Variants in CRYL1 observed in about 807,000 individuals in gnomAD.
CRYL1 encodes lambda-crystallin homolog.
Under a neutral mutation model 36.6 loss-of-function variants are expected in CRYL1, and 29 were observed. The ratio of observed to expected loss-of-function variants is 0.79; its 90% CI spans 0.59 to 1.08. CRYL1 has a LOEUF of 1.08. Among genes scored for constraint, CRYL1 ranks in the 50% least tolerant of loss-of-function variants. The probability of loss-of-function intolerance (pLI) is 0.00; values close to 1 mark genes in which losing one functional copy is unlikely to be tolerated. For synonymous variants in CRYL1, 152 were observed against 151.5 expected (o/e 1.00, Z -0.02); for missense variants, 411 against 407.9 (o/e 1.01, Z -0.06).
At chr13:20,444,507 G>C (rs1303672040) in intron 3 of CRYL1, among the ~76,000 whole-genome samples, 8 of 152,142 alleles carry the variant, frequency 5.3e-5, no homozygotes, top group East Asian at 3.9e-4. Context: ...GGGCCACCGT[G>C]GCACAGGCAT....
chr13:20,501,407 C>G (rs2033701805), intron 2 of CRYL1, among the ~76,000 whole-genome samples: 1 of 152,204 alleles, frequency 6.6e-6, no homozygotes, highest in Non-Finnish European at 1.5e-5. Context: ...TCACACTGTG[C>G]TGCCTGCTTT....
In CRYL1 at chr13:20,413,317, A is replaced by G. The variant is rs748834131; in HGVS notation, c.704T>C (p.Ile235Thr). The G allele has an allele frequency of 2.8e-5, 45 of 1,613,764 alleles. No individual in the cohort carries two copies. The highest frequency in any genetic ancestry group is 8.3e-5 in the Admixed American group (5 of 59,960). ...SEGLGMRYAF[I>T]GPLETMHLNA... ...GAGATGCATGGTTTCCAGGGGTCCA[A>G]TGAATGCATACCGCATGCCCAACCC... Residue 235 changes from isoleucine (I) to threonine (T), a missense_variant, in exon 6 of 8, where the codon ATT becomes ACT. Physicochemically the swap from Ile to Thr is moderately conservative, Grantham distance 89 (BLOSUM62 -1). Coordinates refer to ENST00000298248, the MANE Select transcript of CRYL1 (RefSeq NM_015974.3).
chr13:20,494,913 A>AGGTGTCTCATGT (rs2033579204), intron 2 of CRYL1, among the ~76,000 whole-genome samples: 2 of 152,176 alleles, frequency 1.3e-5, no homozygotes, highest in African/African-American at 4.8e-5. Flanking sequence ...GGCATGAGGG[A>AGGTGTCTCATGT]GAGACACGGT....
At chr13:20,431,792 A>T in intron 5 of CRYL1, 6 of 1,279,904 alleles carry the variant, frequency 4.7e-6, no homozygotes, top group Non-Finnish European at 6.0e-6. Flanking sequence ...GGGAAAATGC[A>T]GTGGGCCACA....
chr13:20,416,337 G>A (rs111492195), intron 5 of CRYL1, among the ~76,000 whole-genome samples: 2,060 of 152,290 alleles, frequency 0.014, 46 homozygotes, highest in African/African-American at 0.047. Flanking sequence ...CACGGGGGCT[G>A]GGGGATATCT....
chr13:20,454,374 T>TAA (rs564451096), intron 3 of CRYL1, among the ~76,000 whole-genome samples: 2 of 145,040 alleles, frequency 1.4e-5, no homozygotes, highest in African/African-American at 2.5e-5. Flanking sequence ...CCAATAGATG[T>TAA]AAAAAAAAAA....
chr13:20,504,302 CTTTTT>C (rs757657892), intron 2 of CRYL1, among the ~76,000 whole-genome samples: 2 of 128,488 alleles, frequency 1.6e-5, no homozygotes, highest in African/African-American at 6.0e-5. Flanking sequence ...CTTTTCTTTT[CTTTTT>C]TTTTTTTTTT....
chr13:20,414,494 G>C (rs893739457), intron 5 of CRYL1, among the ~76,000 whole-genome samples: 1 of 152,180 alleles, frequency 6.6e-6, no homozygotes, highest in African/African-American at 2.4e-5. Context: ...CTAGGACCCA[G>C]GGGGGAGTAA....
chr13:20,503,939 A>T (rs2137495578), intron 2 of CRYL1, among the ~76,000 whole-genome samples: 1 of 152,314 alleles, frequency 6.6e-6, no homozygotes, highest in African/African-American at 2.4e-5. Context: ...CTGGTGGTTT[A>T]TTAACTCCTA....
At chr13:20,476,669 G>A (rs2033173513) in intron 3 of CRYL1, among the ~76,000 whole-genome samples, 1 of 152,328 alleles carries the variant, frequency 6.6e-6, no homozygotes, top group South Asian at 2.1e-4. Flanking sequence ...TTCTGCAGGT[G>A]TCCCTTACTT....
At chr13:20,414,805 G>A (rs913188860) in intron 5 of CRYL1, among the ~76,000 whole-genome samples, 2 of 152,202 alleles carry the variant, frequency 1.3e-5, no homozygotes, top group African/African-American at 4.8e-5. Flanking sequence ...CAAGAGCTGC[G>A]CTCCACTGAG....
chr13:20,474,796 C>T (rs939659797), intron 3 of CRYL1, among the ~76,000 whole-genome samples: 1 of 152,120 alleles, frequency 6.6e-6, no homozygotes, highest in Admixed American at 6.5e-5. Flanking sequence ...CTGGAGAAAC[C>T]GTCACCTGCC....
intron 2 of CRYL1, among the ~76,000 whole-genome samples, chr13:20,507,698 C>G (rs1053978464): frequency 5.3e-5 from 8 of 152,254 alleles, no homozygotes; most frequent in African/African-American, 7.2e-5. Flanking sequence ...GCAGGCGGAT[C>G]ACAAGGTCAG....
At chr13:20,508,213 A>G (rs937242986) in intron 2 of CRYL1, among the ~76,000 whole-genome samples, 1 of 152,154 alleles carries the variant, frequency 6.6e-6, no homozygotes, top group Non-Finnish European at 1.5e-5. Flanking sequence ...TGGGTGATGG[A>G]GACAGACATG....
chr13:20,505,808 A>C (rs1373996133), intron 2 of CRYL1, among the ~76,000 whole-genome samples: 1 of 152,220 alleles, frequency 6.6e-6, no homozygotes, highest in African/African-American at 2.4e-5. Flanking sequence ...CAAAAGGATT[A>C]AGTTGGTTTT....
intron 3 of CRYL1, among the ~76,000 whole-genome samples, chr13:20,443,081 A>G (rs1315419667): frequency 6.6e-6 from 1 of 152,156 alleles, no homozygotes; most frequent in Non-Finnish European, 1.5e-5. Context: ...CATTACTTTT[A>G]GTGCTCTCTA....
intron 3 of CRYL1, chr13:20,476,792 G>A (rs2033175705): frequency 6.6e-6 from 1 of 152,422 alleles, no homozygotes; most frequent in Non-Finnish European, 1.5e-5. Context: ...GGGAGGCCAA[G>A]CTGGAGGATT....
chr13:20,413,461 C>A (rs1459408012), intron 5 of CRYL1, 74 bp from the exon 6 acceptor site: 3 of 927,464 alleles, frequency 3.2e-6, no homozygotes, highest in Non-Finnish European at 3.4e-6. Context: ...TCCATCCTAA[C>A]TTCTTTAGAG....
chr13:20,468,954 G>T (rs1206072001), intron 3 of CRYL1, among the ~76,000 whole-genome samples: 1 of 152,076 alleles, frequency 6.6e-6, no homozygotes, highest in African/African-American at 2.4e-5. Flanking sequence ...GTCGGAGAGC[G>T]ATCACCTTAG....
Sources: gnomAD v4.1 joint callset for allele counts (sites outside exome capture counted in the v4.1 genomes callset) on GRCh38, gnomAD v4.1.1 for gene constraint, MANE v1.5 for transcripts, NCBI Gene and HGNC (gene_info 2026-07-23, HGNC 2026-07-21) for gene names.